The following STIM1 variants were observed in gnomAD, a reference collection of about 807,000 sequenced individuals.
STIM1 encodes the protein stromal interaction molecule 1.
STIM1 carries 25 observed loss-of-function variants against 74.7 expected under a neutral mutation model. That is an observed-to-expected ratio of 0.33 (90% CI 0.24 to 0.47). The LOEUF is 0.47. Ranked by LOEUF, STIM1 falls within the 20% of genes least tolerant of loss-of-function variation. STIM1 has a pLI of 1.00. For missense variants in STIM1, 728 were observed against 920.8 expected (o/e 0.79, Z 2.71); for synonymous variants, 328 against 348.8 (o/e 0.94, Z 0.66).
chr11:3,902,116 G>T (rs1470058606), intron 1 of STIM1, among the ~76,000 whole-genome samples: 3 of 152,168 alleles, frequency 2.0e-5, no homozygotes, highest in Non-Finnish European at 4.4e-5. Context: ...GAGATGTAGT[G>T]ATGGAAAACC....
intron 1 of STIM1, among the ~76,000 whole-genome samples, chr11:3,963,590 A>G (rs1047764027): frequency 6.6e-6 from 1 of 152,210 alleles, no homozygotes; most frequent in Non-Finnish European, 1.5e-5. Context: ...TTCTCTAGAG[A>G]AATCCTACAC....
Position 4,091,227 on chromosome 11 carries a change from C to G in STIM1, c.1635-55C>G, listed in dbSNP as rs1268683869. The G allele has an allele frequency of 2.5e-6, 4 of 1,611,720 alleles. No individual in the cohort carries two copies. The East Asian group carries it at 8.9e-5, about 36-fold the overall frequency. On this transcript the variant is annotated intron_variant, in intron 12 of 12. Coordinates refer to ENST00000526596, the MANE Select transcript of STIM1 (RefSeq NM_001382567.1). ...TCCCTCTCTCCTCTTCGCCTTTCCC[C>G]TATCACCTCATCCAATATATGTCCC...
intron 1 of STIM1, among the ~76,000 whole-genome samples, chr11:3,872,642 C>A (rs1481993810): frequency 1.3e-5 from 2 of 151,460 alleles, no homozygotes; most frequent in African/African-American, 4.9e-5. Flanking sequence ...CTGCCTCAGC[C>A]TCCCGAGTAG....
At chr11:4,012,204 C>T (rs993895529) in intron 2 of STIM1, among the ~76,000 whole-genome samples, 4 of 152,110 alleles carry the variant, frequency 2.6e-5, no homozygotes, top group South Asian at 4.1e-4. Flanking sequence ...CTTGGCTATG[C>T]GGACTCTTTT....
chr11:3,950,990 A>G lies in STIM1; in HGVS notation c.140-16562A>G, dbSNP rs574302191. Reference sequence around the variant, plus strand: ...GTAGAGGATGAGTTTGAAAGAAACTAGAACAGAGACAGGGCGAATAGTGAG... The same window carrying G: ...GTAGAGGATGAGTTTGAAAGAAACTGGAACAGAGACAGGGCGAATAGTGAG... On this transcript the variant is annotated intron_variant, in intron 1 of 12. Transcript: ENST00000526596. Among the ~76,000 whole-genome samples, 12 of 152,316 alleles carry G rather than the reference A, an allele frequency of 7.9e-5. 1 individual carries two copies. The South Asian group carries it at 1.7e-3, about 21-fold the overall frequency.
At chr11:3,992,970 A>G (rs2093629603) in intron 2 of STIM1, among the ~76,000 whole-genome samples, 1 of 152,080 alleles carries the variant, frequency 6.6e-6, no homozygotes, top group South Asian at 2.1e-4. Context: ...ATCATTTCTC[A>G]CTATCATTCC....
intron 3 of STIM1, among the ~76,000 whole-genome samples, chr11:4,034,262 TTA>T (rs139115730): frequency 1.3e-5 from 2 of 150,496 alleles, no homozygotes; most frequent in African/African-American, 4.9e-5. Flanking sequence ...AATAACAAAA[TTA>T]TATATATATA....
At chr11:4,043,947 G>C (rs1590669656) in intron 3 of STIM1, among the ~76,000 whole-genome samples, 1 of 152,046 alleles carries the variant, frequency 6.6e-6, no homozygotes, top group South Asian at 2.1e-4. Context: ...CCTGGGAGGC[G>C]GAGGTTGCAG....
At position 3,961,371 on chromosome 11, in the gene STIM1, G is replaced by T. The variant is rs1193996614; in HGVS notation, c.140-6181G>T. ...AGGAAGGACTGAAACAACTCTATGGGCTTTAGAAACAAGCTATAACTGGGG... is the reference window on the plus strand; with the variant it reads ...AGGAAGGACTGAAACAACTCTATGGTCTTTAGAAACAAGCTATAACTGGGG... On this transcript the variant is annotated intron_variant, in intron 1 of 12. Coordinates refer to ENST00000526596, the MANE Select transcript of STIM1 (RefSeq NM_001382567.1). The T allele has an allele frequency of 3.1e-5, 8 of 256,644 alleles. No individual in the cohort carries two copies. The South Asian group carries it at 3.2e-4, about 10-fold the overall frequency. The allele number at this position is 256,644 out of a possible 1,614,324, so 15.9% of individuals were successfully genotyped here.
At chr11:3,897,372 G>A (rs149788130) in intron 1 of STIM1, among the ~76,000 whole-genome samples, 4 of 152,306 alleles carry the variant, frequency 2.6e-5, no homozygotes, top group Admixed American at 6.5e-5. Context: ...AGCTTATTGC[G>A]ATGGAGAAGA....
chr11:4,006,642 G>C (rs1432936194), intron 2 of STIM1, among the ~76,000 whole-genome samples: 1 of 152,188 alleles, frequency 6.6e-6, no homozygotes, highest in African/African-American at 2.4e-5. Flanking sequence ...TTGAATTCCT[G>C]ACCTCAAGTG....
chr11:4,022,060 G>A (rs911612581), intron 2 of STIM1, among the ~76,000 whole-genome samples: 1 of 151,918 alleles, frequency 6.6e-6, no homozygotes, highest in Admixed American at 6.6e-5. Flanking sequence ...GGCTGGGCAT[G>A]GTGGCTCACA....
intron 2 of STIM1, among the ~76,000 whole-genome samples, chr11:3,994,181 T>A (rs958059976): frequency 6.6e-6 from 1 of 152,220 alleles, no homozygotes; most frequent in Non-Finnish European, 1.5e-5. Flanking sequence ...GATCATGTTA[T>A]CCCATTGTCT....
intron 2 of STIM1, among the ~76,000 whole-genome samples, chr11:4,022,065 C>T (rs1590655412): frequency 6.6e-6 from 1 of 151,878 alleles, no homozygotes; most frequent in Admixed American, 6.6e-5. Flanking sequence ...GGCATGGTGG[C>T]TCACACTTGT....
intron 1 of STIM1, among the ~76,000 whole-genome samples, chr11:3,959,299 C>T (rs151039979): frequency 9.1e-4 from 139 of 152,100 alleles, no homozygotes; most frequent in African/African-American, 3.1e-3. Context: ...TGTTTAGTGA[C>T]GAGAAACAGA....
chr11:4,058,785 T>C (rs888467168), intron 4 of STIM1: 3 of 987,364 alleles, frequency 3.0e-6, no homozygotes, highest in Non-Finnish European at 3.6e-6. Context: ...ATTAAAATTT[T>C]TTTTCCTTTT....
intron 1 of STIM1, among the ~76,000 whole-genome samples, chr11:3,929,070 C>T (rs1028769795): frequency 5.9e-5 from 9 of 152,016 alleles, no homozygotes; most frequent in Non-Finnish European, 1.0e-4. Context: ...AGGTTGGTCT[C>T]GAACTCCTGA....
intron 1 of STIM1, among the ~76,000 whole-genome samples, chr11:3,908,451 A>C (rs951635106): frequency 2.6e-5 from 4 of 152,086 alleles, no homozygotes; most frequent in African/African-American, 4.8e-5. Context: ...TCTCTACTAA[A>C]AACACAAAAA....
chr11:3,882,619 T>G (rs2091558338), intron 1 of STIM1, among the ~76,000 whole-genome samples: 1 of 152,214 alleles, frequency 6.6e-6, no homozygotes, highest in Non-Finnish European at 1.5e-5. Context: ...AGAATATGTG[T>G]GTACATGTAC....
Sources: gnomAD v4.1 joint callset for allele counts (sites outside exome capture counted in the v4.1 genomes callset) on GRCh38, gnomAD v4.1.1 for gene constraint, MANE v1.5 for transcripts, NCBI Gene and HGNC (gene_info 2026-07-23, HGNC 2026-07-21) for gene names.